Variants in HPSE2 observed in about 807,000 individuals in gnomAD.
HPSE2 encodes inactive heparanase-2.
Under a neutral mutation model 60.5 loss-of-function variants are expected in HPSE2, and 38 were observed. That is an observed-to-expected ratio of 0.63 (90% CI 0.48 to 0.82). The LOEUF is 0.82. Among genes scored for constraint, HPSE2 ranks in the 40% least tolerant of loss-of-function variants. The pLI is 0.00. For synonymous variants in HPSE2, 295 were observed against 293.2 expected (o/e 1.01, Z -0.06); for missense variants, 713 against 740.4 (o/e 0.96, Z 0.43).
chr10:98,596,818 T>C lies in HPSE2; in HGVS notation c.1320+18086A>G, dbSNP rs113221536. Among the ~76,000 whole-genome samples the C allele has an allele frequency of 4.3e-3, 653 of 152,300 alleles. 3 individuals carry two copies. The highest frequency in any genetic ancestry group is 0.015 in the African/African-American group (629 of 41,552). ...TTGATTTTTGACAATTTAATTATAA[T>C]ATATCTTAGTGTAGTCTTGTGTGGA... On this transcript the variant is annotated intron_variant, in intron 9 of 11. Transcript: ENST00000370552.
intron 3 of HPSE2, among the ~76,000 whole-genome samples, chr10:98,757,225 T>C (rs1486540580): frequency 6.6e-6 from 1 of 152,048 alleles, no homozygotes. Flanking sequence ...GCCAGTAATA[T>C]ATTGAATGGA....
intron 3 of HPSE2, among the ~76,000 whole-genome samples, chr10:98,824,090 A>G (rs1357895239): frequency 6.6e-6 from 1 of 152,246 alleles, no homozygotes; most frequent in Non-Finnish European, 1.5e-5. Flanking sequence ...GTCAAACAAT[A>G]GTTCAAAAGG....
chr10:98,490,219 G>T, intron 9 of HPSE2, 23 bp from the exon 10 acceptor site: 1 of 1,613,120 alleles, frequency 6.2e-7, no homozygotes, highest in Non-Finnish European at 8.5e-7. Flanking sequence ...GAGAGGGAGA[G>T]GGTCAGCGAG....
chr10:98,873,121 T>C (rs373274018), intron 3 of HPSE2, among the ~76,000 whole-genome samples: 12 of 152,222 alleles, frequency 7.9e-5, no homozygotes, highest in African/African-American at 2.6e-4. Context: ...ATAGGACGTA[T>C]AATTTTATGT....
intron 3 of HPSE2, among the ~76,000 whole-genome samples, chr10:98,780,474 TTGAG>T (rs2134450264): frequency 6.6e-6 from 1 of 152,304 alleles, no homozygotes; most frequent in East Asian, 1.9e-4. Context: ...ATACTTAGAA[TTGAG>T]TTTGTTATAT....
chr10:99,219,177 A>G (rs1331564042), intron 2 of HPSE2, among the ~76,000 whole-genome samples: 1 of 152,166 alleles, frequency 6.6e-6, no homozygotes, highest in Non-Finnish European at 1.5e-5. Flanking sequence ...CTGCATTTCA[A>G]TGGCTTTTAG....
intron 3 of HPSE2, among the ~76,000 whole-genome samples, chr10:98,752,441 T>C (rs1272170067): frequency 6.6e-6 from 1 of 152,180 alleles, no homozygotes; most frequent in Non-Finnish European, 1.5e-5. Flanking sequence ...TAACCTAACA[T>C]AGATCTTGTC....
chr10:99,159,793 A>G lies in HPSE2; in HGVS notation c.449-15394T>C, dbSNP rs1450048944. The stretch of plus-strand genomic sequence containing the variant: ...TGACACCAAAAGTATAATTCAAAAT[A>G]GAAAAATAATAATAAATCGAACTTC... On this transcript the variant is annotated intron_variant, in intron 2 of 11. Transcript: ENST00000370552. Among the ~76,000 whole-genome samples, 4 of 152,210 alleles carry G rather than the reference A, an allele frequency of 2.6e-5. No individual in the cohort carries two copies. In the East Asian group the frequency reaches 7.7e-4, roughly 29 times the overall value.
At chr10:99,274,345 A>G in the HPSE2 span, among the ~76,000 whole-genome samples, 1 of 152,208 alleles carries the variant, frequency 6.6e-6, no homozygotes, top group Non-Finnish European at 1.5e-5. Context: ...CAAAATAAAA[A>G]GAAACAGTGT....
At chr10:98,471,859 C>G (rs1940794285) in intron 11 of HPSE2, among the ~76,000 whole-genome samples, 1 of 152,142 alleles carries the variant, frequency 6.6e-6, no homozygotes. Context: ...TCAGATTTCT[C>G]TCAAGTTCTA....
intron 5 of HPSE2, among the ~76,000 whole-genome samples, chr10:98,719,701 TAAAA>T (rs562725586): frequency 1.9e-5 from 2 of 107,270 alleles, no homozygotes; most frequent in Non-Finnish European, 1.9e-5. Flanking sequence ...GATGTTGCAT[TAAAA>T]AAAAAAAAAA....
intron 8 of HPSE2, among the ~76,000 whole-genome samples, chr10:98,616,211 A>G (rs1945904199): frequency 6.6e-6 from 1 of 152,040 alleles, no homozygotes; most frequent in Non-Finnish European, 1.5e-5. Flanking sequence ...ACTTCCCCAG[A>G]TCTCTTATTC....
At chr10:98,954,043 C>T (rs928401466) in intron 3 of HPSE2, among the ~76,000 whole-genome samples, 6 of 152,056 alleles carry the variant, frequency 3.9e-5, no homozygotes, top group East Asian at 1.9e-4. Context: ...CGGTGGCTCA[C>T]GCCTGTAATC....
chr10:98,894,140 G>A (rs1242271053), intron 3 of HPSE2, among the ~76,000 whole-genome samples: 2 of 152,090 alleles, frequency 1.3e-5, no homozygotes, highest in Non-Finnish European at 2.9e-5. Context: ...GATTGCTGGT[G>A]CCCAAAAGCA....
At chr10:98,957,374 G>A (rs764736718) in intron 3 of HPSE2, among the ~76,000 whole-genome samples, 2 of 151,978 alleles carry the variant, frequency 1.3e-5, no homozygotes, top group Admixed American at 6.6e-5. Flanking sequence ...CAGCTCCCTC[G>A]GCCTTCAGGG....
chr10:98,463,343 A>G (rs1163933271), intron 11 of HPSE2, among the ~76,000 whole-genome samples: 1 of 152,212 alleles, frequency 6.6e-6, no homozygotes, highest in East Asian at 1.9e-4. Flanking sequence ...GACCTCTGGG[A>G]GTGGGCATTG....
At chr10:98,656,333 C>A (rs1292884915) in intron 6 of HPSE2, among the ~76,000 whole-genome samples, 1 of 152,158 alleles carries the variant, frequency 6.6e-6, no homozygotes, top group Non-Finnish European at 1.5e-5. Context: ...GATCCACTTG[C>A]CTCAGCCTCC....
intron 3 of HPSE2, among the ~76,000 whole-genome samples, chr10:99,121,099 G>C (rs564749092): frequency 6.6e-6 from 1 of 152,230 alleles, no homozygotes; most frequent in Admixed American, 6.5e-5. Context: ...ATGTACCACA[G>C]AATACTATGC....
chr10:98,936,002 C>T lies in HPSE2; in HGVS notation c.611-191946G>A, dbSNP rs1037525380. On this transcript the variant is annotated intron_variant, in intron 3 of 11. Transcript: ENST00000370552. ...TGGACTCCTGCAGGGATGCCCTGCC[C>T]GGTGAGGGGGTATCTAGAGAAGTAG... is the stretch of plus-strand genomic sequence containing the variant. Among the ~76,000 whole-genome samples, 43 of 144,488 alleles carry T rather than the reference C, an allele frequency of 3.0e-4. 8 individuals carry two copies. Among genetic ancestry groups the T allele is most frequent in the African/African-American group, 9.5e-4 (34 of 35,770 alleles). The allele number at this position is 144,488 out of a possible 152,430, so 94.8% of individuals were successfully genotyped here. A position where few individuals can be genotyped will look rare whatever the true frequency, so the allele number is the denominator to read the frequency against.
Sources: gnomAD v4.1 joint callset for allele counts (sites outside exome capture counted in the v4.1 genomes callset) on GRCh38, gnomAD v4.1.1 for gene constraint, MANE v1.5 for transcripts, NCBI Gene and HGNC (gene_info 2026-07-23, HGNC 2026-07-21) for gene names.